Variants in ERC2 observed in about 807,000 individuals in gnomAD.
ERC2 encodes ERC protein 2.
Under a neutral mutation model 114.8 loss-of-function variants are expected in ERC2, and 42 were observed. That is an observed-to-expected ratio of 0.37 (90% CI 0.29 to 0.47). The LOEUF (loss-of-function observed/expected upper bound fraction) is 0.47. Ranked by LOEUF, ERC2 falls within the 20% of genes least tolerant of loss-of-function variation. The pLI is 0.99. For synonymous variants in ERC2, 454 were observed against 425.5 expected, an observed-to-expected ratio of 1.07 and a Z score of -0.82; for missense variants, 939 against 1,150.7, an observed-to-expected ratio of 0.82 and a Z score of 2.66.
intron 17 of ERC2, among the ~76,000 whole-genome samples, chr3:55,514,004 G>A (rs887816862): frequency 7.2e-5 from 11 of 152,104 alleles, no homozygotes; most frequent in African/African-American, 1.7e-4. Context: ...TTCCCTATCC[G>A]AATCCCTGGC....
intron 3 of ERC2, among the ~76,000 whole-genome samples, chr3:56,229,001 C>A (rs1270549211): frequency 6.6e-6 from 1 of 152,070 alleles, no homozygotes; most frequent in Non-Finnish European, 1.5e-5. Context: ...TTCCCACAAG[C>A]CCCAATCCTA....
intron 17 of ERC2, among the ~76,000 whole-genome samples, chr3:55,632,155 G>A (rs1429904368): frequency 6.6e-6 from 1 of 152,192 alleles, no homozygotes; most frequent in East Asian, 1.9e-4. Context: ...CCAAACAGCT[G>A]GTTCCCTCTA....
At chr3:56,092,836 C>A (rs1463994576) in intron 6 of ERC2, among the ~76,000 whole-genome samples, 5 of 152,038 alleles carry the variant, frequency 3.3e-5, no homozygotes, top group Non-Finnish European at 7.4e-5. Flanking sequence ...TTGTGCTTTC[C>A]CTTCAGGTAA....
chr3:55,967,119 C>T (rs937874643), intron 12 of ERC2, among the ~76,000 whole-genome samples: 4 of 152,212 alleles, frequency 2.6e-5, no homozygotes, highest in African/African-American at 9.6e-5. Context: ...TCTAAGGAAA[C>T]GTTATCAGTG....
chr3:56,023,841 G>C (rs954019312), intron 7 of ERC2, among the ~76,000 whole-genome samples: 2 of 120,204 alleles, frequency 1.7e-5, no homozygotes, highest in African/African-American at 5.4e-5. Flanking sequence ...TGTGTAAAAG[G>C]AAGAGGCCAG....
intron 13 of ERC2, among the ~76,000 whole-genome samples, chr3:55,941,882 C>T (rs538276972): frequency 1.3e-5 from 2 of 152,116 alleles, no homozygotes; most frequent in Non-Finnish European, 2.9e-5. Context: ...TTTAGTTACC[C>T]TAGTTTTAAA....
At chr3:55,749,706 G>A (rs1186623833) in intron 14 of ERC2, among the ~76,000 whole-genome samples, 1 of 152,144 alleles carries the variant, frequency 6.6e-6, no homozygotes, top group Non-Finnish European at 1.5e-5. Flanking sequence ...CATGGGCGGG[G>A]ACAATAAGGG....
chr3:55,976,178 T>TAC (rs1163356849), intron 12 of ERC2, among the ~76,000 whole-genome samples: 1 of 152,180 alleles, frequency 6.6e-6, no homozygotes, highest in East Asian at 1.9e-4. Context: ...ATCTCGATTA[T>TAC]ACAGGTGGGT....
intron 8 of ERC2, among the ~76,000 whole-genome samples, chr3:56,017,971 T>C (rs140991198): frequency 6.6e-6 from 1 of 152,272 alleles, no homozygotes; most frequent in Non-Finnish European, 1.5e-5. Flanking sequence ...AGCATATGTT[T>C]CTTGGGTTTG....
chr3:55,857,949 T>G (rs1295122136), intron 14 of ERC2, among the ~76,000 whole-genome samples: 5 of 152,122 alleles, frequency 3.3e-5, no homozygotes, highest in Non-Finnish European at 7.4e-5. Context: ...AGCCTCTCCT[T>G]CACCTGCTCC....
At chr3:55,974,368 T>C (rs573944971) in intron 12 of ERC2, among the ~76,000 whole-genome samples, 218 of 152,332 alleles carry the variant, frequency 1.4e-3, no homozygotes, top group Non-Finnish European at 2.6e-3. Flanking sequence ...CAGATACAGA[T>C]ACTGTGCTGC....
At chr3:56,131,498 C>CTTAA (rs1410930786) in intron 6 of ERC2, among the ~76,000 whole-genome samples, 1 of 152,076 alleles carries the variant, frequency 6.6e-6, no homozygotes, top group East Asian at 1.9e-4. Context: ...TAAAAAGCAT[C>CTTAA]TTAATTTTGA....
chr3:55,940,356 C>T (rs1039413011), intron 13 of ERC2, among the ~76,000 whole-genome samples: 1 of 152,050 alleles, frequency 6.6e-6, no homozygotes, highest in African/African-American at 2.4e-5. Context: ...CCCCTCACTT[C>T]CTGCTTGATA....
At chr3:56,418,926 T>C (rs939381390) in intron 2 of ERC2, among the ~76,000 whole-genome samples, 6 of 152,302 alleles carry the variant, frequency 3.9e-5, no homozygotes, top group Admixed American at 1.3e-4. Context: ...CATCAATGGC[T>C]CTTCCAGAAA....
chr3:55,712,119 G>A (rs1407016769), intron 15 of ERC2, among the ~76,000 whole-genome samples: 1 of 152,150 alleles, frequency 6.6e-6, no homozygotes, highest in Non-Finnish European at 1.5e-5. Flanking sequence ...TTATCTGTGA[G>A]CCCCCTTTTA....
chr3:55,811,044 T>G (rs867760589), intron 14 of ERC2, among the ~76,000 whole-genome samples: 1 of 152,150 alleles, frequency 6.6e-6, no homozygotes, highest in South Asian at 2.1e-4. Flanking sequence ...CAGAAAGAAC[T>G]TGGTGATACG....
intron 6 of ERC2, among the ~76,000 whole-genome samples, chr3:56,109,153 G>A (rs762250863): frequency 8.6e-5 from 13 of 151,752 alleles, no homozygotes; most frequent in Non-Finnish European, 1.8e-4. Context: ...TATTTTTTCT[G>A]CTCCTCTCTC....
chr3:56,050,328 C>A (rs1006200839), intron 7 of ERC2, among the ~76,000 whole-genome samples: 1 of 152,160 alleles, frequency 6.6e-6, no homozygotes, highest in Admixed American at 6.5e-5. Context: ...ACAACTGTCT[C>A]AGTCTGGGAC....
At chr3:56,177,507 G>A (rs181350802) in intron 3 of ERC2, among the ~76,000 whole-genome samples, 202 of 152,246 alleles carry the variant, frequency 1.3e-3, no homozygotes, top group African/African-American at 4.7e-3. Flanking sequence ...ATTTTTCTGC[G>A]TCACAGATCT....
Sources: gnomAD v4.1 joint callset for allele counts (sites outside exome capture counted in the v4.1 genomes callset) on GRCh38, gnomAD v4.1.1 for gene constraint, MANE v1.5 for transcripts, NCBI Gene and HGNC (gene_info 2026-07-23, HGNC 2026-07-21) for gene names.